The following TMEM108 variants were observed in gnomAD, a reference collection of about 807,000 sequenced individuals.
TMEM108 encodes transmembrane protein 108.
TMEM108 carries 12 observed loss-of-function variants against 35.1 expected under a neutral mutation model. The ratio of observed to expected loss-of-function variants is 0.34; its 90% confidence interval spans 0.22 to 0.55. The LOEUF is 0.55. TMEM108 is among the 20% of genes least tolerant of loss of function. TMEM108 has a pLI of 0.89. For synonymous variants in TMEM108, 287 were observed against 308.6 expected, an observed-to-expected ratio of 0.93 and a Z score of 0.73; for missense variants, 680 against 753.3, an observed-to-expected ratio of 0.90 and a Z score of 1.14.
At chr3:133,110,430 C>A (rs1944211239) in intron 2 of TMEM108, among the ~76,000 whole-genome samples, 1 of 152,188 alleles carries the variant, frequency 6.6e-6, no homozygotes, top group Non-Finnish European at 1.5e-5. Context: ...ACACTCCTTT[C>A]ATTCTAAGAG....
At chr3:133,358,389 C>T (rs563935043) in intron 3 of TMEM108, among the ~76,000 whole-genome samples, 34 of 152,226 alleles carry the variant, frequency 2.2e-4, no homozygotes, top group African/African-American at 7.7e-4. Flanking sequence ...CCAGATTGGT[C>T]TCGAACTCCT....
chr3:133,320,131 C>G (rs1196854795), intron 3 of TMEM108, among the ~76,000 whole-genome samples: 1 of 151,988 alleles, frequency 6.6e-6, no homozygotes, highest in Non-Finnish European at 1.5e-5. Flanking sequence ...TATAACACTC[C>G]AAAAAGACCA....
intron 3 of TMEM108, among the ~76,000 whole-genome samples, chr3:133,288,335 G>A (rs761293826): frequency 3.3e-5 from 5 of 152,238 alleles, no homozygotes; most frequent in African/African-American, 4.8e-5. Context: ...ATAGATGGAT[G>A]TGGCCTTAAG....
chr3:133,280,139 T>G (rs1253695781), intron 3 of TMEM108, among the ~76,000 whole-genome samples: 1 of 151,770 alleles, frequency 6.6e-6, no homozygotes, highest in Non-Finnish European at 1.5e-5. Context: ...TGCTGAGGAG[T>G]CTGAAGCAGG....
intron 2 of TMEM108, among the ~76,000 whole-genome samples, chr3:133,153,168 T>C (rs1944826499): frequency 6.6e-6 from 1 of 152,160 alleles, no homozygotes; most frequent in Non-Finnish European, 1.5e-5. Flanking sequence ...TACATGAGGC[T>C]AACAGTCAGG....
At chr3:133,084,250 G>A (rs1943852395) in intron 2 of TMEM108, among the ~76,000 whole-genome samples, 1 of 152,096 alleles carries the variant, frequency 6.6e-6, no homozygotes, top group African/African-American at 2.4e-5. Flanking sequence ...TTGCCTATCT[G>A]AATCATGAAT....
intron 3 of TMEM108, among the ~76,000 whole-genome samples, chr3:133,234,351 A>G (rs1255895941): frequency 6.6e-6 from 1 of 152,178 alleles, no homozygotes; most frequent in Non-Finnish European, 1.5e-5. Context: ...AAAATCCTCA[A>G]TAAAATACTG....
chr3:133,138,323 C>T (rs1944593486), intron 2 of TMEM108, among the ~76,000 whole-genome samples: 1 of 152,098 alleles, frequency 6.6e-6, no homozygotes, highest in Non-Finnish European at 1.5e-5. Flanking sequence ...TTCTGGAGAA[C>T]CCATATTAGT....
intron 3 of TMEM108, among the ~76,000 whole-genome samples, chr3:133,359,705 C>G: frequency 6.6e-6 from 1 of 152,184 alleles, no homozygotes; most frequent in East Asian, 1.9e-4. Context: ...ATCAATTAAT[C>G]CATCTGTCAG....
At chr3:133,277,999 A>G (rs1419071598) in intron 3 of TMEM108, among the ~76,000 whole-genome samples, 1 of 152,164 alleles carries the variant, frequency 6.6e-6, no homozygotes, top group Non-Finnish European at 1.5e-5. Flanking sequence ...AGCATGATTC[A>G]TTTCCTAGTG....
At chr3:133,298,212 G>A (rs1170414352) in intron 3 of TMEM108, among the ~76,000 whole-genome samples, 1 of 152,060 alleles carries the variant, frequency 6.6e-6, no homozygotes, top group African/African-American at 2.4e-5. Context: ...TTTATTAGTA[G>A]GATTCTATTA....
chr3:133,383,933 A>C (rs1176220830), intron 4 of TMEM108, among the ~76,000 whole-genome samples: 1 of 152,194 alleles, frequency 6.6e-6, no homozygotes, highest in Non-Finnish European at 1.5e-5. Flanking sequence ...CCATGTCCTC[A>C]GTCATGGCCC....
At chr3:133,082,319 G>A (rs942256970) in intron 2 of TMEM108, among the ~76,000 whole-genome samples, 1 of 152,232 alleles carries the variant, frequency 6.6e-6, no homozygotes, top group African/African-American at 2.4e-5. Context: ...TGCAGGAAAG[G>A]AAGTCCATCT....
At chr3:133,195,705 C>T (rs1416321949) in intron 2 of TMEM108, among the ~76,000 whole-genome samples, 1 of 152,108 alleles carries the variant, frequency 6.6e-6, no homozygotes. Context: ...ATAAATGAAC[C>T]AGTGACATTC....
chr3:133,385,331 T>C (rs974417405), intron 4 of TMEM108, among the ~76,000 whole-genome samples: 1 of 152,126 alleles, frequency 6.6e-6, no homozygotes, highest in Admixed American at 6.5e-5. Flanking sequence ...GTTAGACCCA[T>C]ACCCTGACAG....
chr3:133,039,416 G>C (rs1173038759), intron 1 of TMEM108, among the ~76,000 whole-genome samples: 1 of 152,190 alleles, frequency 6.6e-6, no homozygotes, highest in Non-Finnish European at 1.5e-5. Context: ...TCTTTGAAAA[G>C]TGTGTGCTCG....
intron 2 of TMEM108, among the ~76,000 whole-genome samples, chr3:133,144,046 A>G (rs1003947033): frequency 6.6e-6 from 1 of 151,594 alleles, no homozygotes; most frequent in South Asian, 2.1e-4. Flanking sequence ...ATAGGTATAC[A>G]CATGCCATGG....
At chr3:133,303,800 T>C (rs1053415420) in intron 3 of TMEM108, among the ~76,000 whole-genome samples, 28 of 152,216 alleles carry the variant, frequency 1.8e-4, no homozygotes, top group African/African-American at 6.5e-4. Context: ...GATTAAAAAA[T>C]CTATTGGAAA....
At chr3:133,170,628 C>T (rs1254836520) in intron 2 of TMEM108, among the ~76,000 whole-genome samples, 1 of 151,950 alleles carries the variant, frequency 6.6e-6, no homozygotes, top group Non-Finnish European at 1.5e-5. Context: ...CACTAAACAT[C>T]GTTTTACTTC....
Sources: gnomAD v4.1 joint callset for allele counts (sites outside exome capture counted in the v4.1 genomes callset) on GRCh38, gnomAD v4.1.1 for gene constraint, MANE v1.5 for transcripts, NCBI Gene and HGNC (gene_info 2026-07-23, HGNC 2026-07-21) for gene names.